The following CMTM8 variants were observed in gnomAD, a reference collection of about 807,000 sequenced individuals.
The protein encoded by CMTM8 is CKLF like MARVEL transmembrane domain containing 8.
Under a neutral mutation model 18.6 loss-of-function variants are expected in CMTM8, and 12 were observed. The ratio of observed to expected loss-of-function variants is 0.65; its 90% CI spans 0.41 to 1.05. CMTM8 has a LOEUF of 1.05. Among genes scored for constraint, CMTM8 ranks in the 50% least tolerant of loss-of-function variants. The probability of loss-of-function intolerance (pLI) is 0.00; values close to 1 mark genes in which losing one functional copy is unlikely to be tolerated. For synonymous variants in CMTM8, 87 were observed against 90.6 expected (o/e 0.96, Z 0.23); for missense variants, 217 against 227.2 (o/e 0.95, Z 0.29).
At chr3:32,294,170 A>C (rs1392767126) in intron 1 of CMTM8, among the ~76,000 whole-genome samples, 1 of 152,164 alleles carries the variant, frequency 6.6e-6, no homozygotes, top group Non-Finnish European at 1.5e-5. Flanking sequence ...TCTTAACCTG[A>C]GTAACATTGA....
chr3:32,307,329 G>A (rs1290231796), intron 1 of CMTM8, among the ~76,000 whole-genome samples: 3 of 152,094 alleles, frequency 2.0e-5, no homozygotes, highest in African/African-American at 2.4e-5. Context: ...CGACAAGAGC[G>A]AAACTCCATC....
chr3:32,244,384 C>T (rs1235715893), intron 1 of CMTM8, among the ~76,000 whole-genome samples: 1 of 152,200 alleles, frequency 6.6e-6, no homozygotes, highest in African/African-American at 2.4e-5. Context: ...GGGGGTCTCA[C>T]TGTGTTGCCT....
chr3:32,277,078 G>T (rs1702532387), intron 1 of CMTM8, among the ~76,000 whole-genome samples: 1 of 151,634 alleles, frequency 6.6e-6, no homozygotes, highest in African/African-American at 2.4e-5. Context: ...TAGAGATTGG[G>T]GTCTCACCAT....
At chr3:32,242,035 G>A (rs1023797895) in intron 1 of CMTM8, among the ~76,000 whole-genome samples, 4 of 152,148 alleles carry the variant, frequency 2.6e-5, no homozygotes, top group Non-Finnish European at 5.9e-5. Context: ...CTGGCCGACT[G>A]GGCTCTCCTG....
chr3:32,348,529 C>CTTTT lies in CMTM8; in HGVS notation c.148-8834_148-8831dup, dbSNP rs56252781. Among the ~76,000 whole-genome samples, 19 of 102,048 alleles carry CTTTT rather than the reference C, an allele frequency of 1.9e-4. 3 individuals are homozygous for CTTTT. Among genetic ancestry groups the CTTTT allele is most frequent in the Non-Finnish European group, 2.8e-4 (15 of 53,664 alleles). The allele number at this position is 102,048 out of a possible 152,430, so 66.9% of individuals were successfully genotyped here. ...TTTTCTTCACTCTCTCTTCCTGGAA[C>CTTTT]TTTTTTTTTTTTTGGAGACAAGATC... On this transcript the variant is annotated intron_variant, in intron 1 of 3. Coordinates refer to ENST00000307526, the MANE Select transcript of CMTM8 (RefSeq NM_178868.5).
At chr3:32,307,388 A>G (rs898389203) in intron 1 of CMTM8, among the ~76,000 whole-genome samples, 10 of 152,062 alleles carry the variant, frequency 6.6e-5, no homozygotes, top group African/African-American at 2.4e-4. Context: ...GGCTGACTGG[A>G]TGAGGGAAAA....
chr3:32,346,846 G>T (rs1218400140), intron 1 of CMTM8, among the ~76,000 whole-genome samples: 1 of 149,820 alleles, frequency 6.7e-6, no homozygotes. Context: ...TTTGAGACAG[G>T]GTCTCACTCT....
intron 1 of CMTM8, among the ~76,000 whole-genome samples, chr3:32,249,080 G>A (rs922260514): frequency 2.8e-5 from 3 of 106,740 alleles, no homozygotes; most frequent in Admixed American, 1.5e-4. Context: ...TCACGCTTTC[G>A]CCCAGGCCGC....
At chr3:32,266,842 C>T (rs1407696334) in intron 1 of CMTM8, among the ~76,000 whole-genome samples, 1 of 152,132 alleles carries the variant, frequency 6.6e-6, no homozygotes. Context: ...AGTGAACTCC[C>T]ATTCATAATT....
rs373706768 is a variant in CMTM8 at position 32,291,917 on chromosome 3, G to A, written c.147+52798G>A. 7.0e-4 allele frequency among the ~76,000 whole-genome samples: 106 copies of A among 152,218 alleles called. No homozygotes were observed. The South Asian group carries it at 0.021, about 30-fold the overall frequency. On this transcript the variant is annotated intron_variant, in intron 1 of 3. Transcript: ENST00000307526. ...CTAGTTGTGACTAGTTTCATGGCCT[G>A]TATTACTGTTGTTTTTTGTTACTTG...
intron 1 of CMTM8, among the ~76,000 whole-genome samples, chr3:32,291,967 T>G (rs1004873077): frequency 6.6e-5 from 10 of 152,186 alleles, no homozygotes; most frequent in Admixed American, 3.9e-4. Context: ...GATGTAAATA[T>G]TTTCTTGGAA....
intron 1 of CMTM8, among the ~76,000 whole-genome samples, chr3:32,348,992 G>T (rs1170019275): frequency 6.6e-6 from 1 of 150,698 alleles, no homozygotes; most frequent in African/African-American, 2.4e-5. Flanking sequence ...TTGTTTTGAA[G>T]GACTATTTTT....
chr3:32,313,302 G>A (rs1695855538), intron 1 of CMTM8, among the ~76,000 whole-genome samples: 1 of 152,232 alleles, frequency 6.6e-6, no homozygotes, highest in African/African-American at 2.4e-5. Flanking sequence ...AGAACAGGGT[G>A]GGGCCTTGGA....
intron 1 of CMTM8, among the ~76,000 whole-genome samples, chr3:32,325,107 A>G (rs540559573): frequency 2.0e-5 from 3 of 152,320 alleles, no homozygotes; most frequent in African/African-American, 7.2e-5. Context: ...TTTAGCTCAA[A>G]TTAATCCTAT....
rs1285214489 is a variant in CMTM8 at position 32,309,182 on chromosome 3, GGTGGTGGGGCAGA to G, written c.148-48189_148-48177del. ...TGCTGGTTCACAGAAATGGGTGGAG[GGTGGTGGGGCAGA>G]GCATTGCCTGGGCCTTTCTAGACTT... On this transcript the variant is annotated intron_variant, in intron 1 of 3. Coordinates refer to ENST00000307526, the MANE Select transcript of CMTM8 (RefSeq NM_178868.5). Among the ~76,000 whole-genome samples, 5 of 152,272 alleles carry G rather than the reference GGTGGTGGGGCAGA, an allele frequency of 3.3e-5. No individual in the cohort carries two copies. The East Asian group carries it at 9.6e-4, about 29-fold the overall frequency.
At chr3:32,322,453 C>T (rs1030446511) in intron 1 of CMTM8, among the ~76,000 whole-genome samples, 1 of 152,178 alleles carries the variant, frequency 6.6e-6, no homozygotes, top group East Asian at 1.9e-4. Flanking sequence ...TAATGTTTCC[C>T]GGTGAGAGTA....
chr3:32,258,400 T>C (rs1341578032), intron 1 of CMTM8, among the ~76,000 whole-genome samples: 2 of 152,240 alleles, frequency 1.3e-5, no homozygotes, highest in Non-Finnish European at 2.9e-5. Flanking sequence ...AGTTTTGTTA[T>C]TCACTTATAG....
At chr3:32,281,264 G>A (rs755230610) in intron 1 of CMTM8, among the ~76,000 whole-genome samples, 87 of 152,134 alleles carry the variant, frequency 5.7e-4, no homozygotes, top group Admixed American at 2.1e-3. Context: ...CCCATCAAAA[G>A]AACTCTTTAC....
At chr3:32,367,844 T>A in intron 2 of CMTM8, 28 bp from the exon 3 acceptor site, 1 of 1,511,010 alleles carries the variant, frequency 6.6e-7, no homozygotes, top group Non-Finnish European at 9.2e-7. Flanking sequence ...CCCCTCTCCC[T>A]AAACACTCTG....
Sources: allele counts gnomAD v4.1 joint callset (sites outside exome capture counted in the v4.1 genomes callset), GRCh38; gene constraint gnomAD v4.1.1; transcripts MANE v1.5; gene names NCBI Gene and HGNC (gene_info 2026-07-23, HGNC 2026-07-21).